MTMR4: variants seen among roughly 807,000 people sequenced by gnomAD.
The protein encoded by MTMR4 is phosphatidylinositol-3,5-bisphosphate 3-phosphatase MTMR4.
Under a neutral mutation model 125.5 loss-of-function variants are expected in MTMR4, and 30 were observed. The observed-to-expected ratio is 0.24, with a 90% CI of 0.18 to 0.32. The LOEUF is 0.32. MTMR4 is among the 10% of genes least tolerant of loss of function. The pLI, the probability that MTMR4 is intolerant of heterozygous loss-of-function variation, is 1.00. For missense variants in MTMR4, 1,039 were observed against 1,511.5 expected (o/e 0.69, Z 5.18); for synonymous variants, 498 against 564.5 (o/e 0.88, Z 1.67).
At chr17:58,500,458 T>G (rs1315708843) in intron 14 of MTMR4, among the ~76,000 whole-genome samples, 1 of 152,124 alleles carries the variant, frequency 6.6e-6, no homozygotes, top group Non-Finnish European at 1.5e-5. Context: ...TGCTTAGATG[T>G]TGACTTAGAA....
Position 58,506,881 on chromosome 17 carries a change from C to T in MTMR4, c.905-10G>A, listed in dbSNP as rs368101639. On this transcript the variant is annotated splice_polypyrimidine_tract_variant and intron_variant, in intron 8 of 17. Transcript: ENST00000682306. ...GCAGTCAGAGAAGAATCTAAACACA[C>T]AGCAGGAAGGAGTCCCTGAGTCAGC... The T allele has an allele frequency of 1.2e-6, 2 of 1,609,754 alleles. No homozygotes were observed. The highest frequency in any genetic ancestry group is 1.1e-5 in the South Asian group (1 of 90,746).
intron 17 of MTMR4, 58 bp from the exon 18 acceptor site, chr17:58,491,898 G>A (rs1265071017): frequency 1.3e-6 from 2 of 1,544,654 alleles, no homozygotes; most frequent in East Asian, 4.5e-5. Context: ...TGGCCAGGCA[G>A]GGTGACTCAC....
intron 13 of MTMR4, 47 bp from the exon 14 acceptor site, chr17:58,503,945 C>G: frequency 6.3e-7 from 1 of 1,585,954 alleles, no homozygotes; most frequent in South Asian, 1.1e-5. Context: ...GTTCCTTGTC[C>G]TTTTTCTTTC....
intron 16 of MTMR4, 64 bp from the exon 17 acceptor site, chr17:58,492,663 A>G: frequency 2.0e-6 from 3 of 1,508,100 alleles, no homozygotes; most frequent in Non-Finnish European, 2.8e-6. Context: ...CAACATTGCA[A>G]TGAGGAAAGC....
chr17:58,498,012 G>C (rs9901533), intron 14 of MTMR4, among the ~76,000 whole-genome samples: 77 of 152,216 alleles, frequency 5.1e-4, no homozygotes, highest in African/African-American at 1.7e-3. Flanking sequence ...CAGATCTCTC[G>C]AGGCCACAAG....
At position 58,506,611 on chromosome 17, in the gene MTMR4, T is replaced by C. The variant is rs1975784513; in HGVS notation, c.1033+132A>G. Reference sequence around the variant, plus strand: ...TCAGCATAGTCATAGCCATAGCTAGTAGGTAGCAAAGTTGTGATTACAAGC... The same window carrying C: ...TCAGCATAGTCATAGCCATAGCTAGCAGGTAGCAAAGTTGTGATTACAAGC... On this transcript the variant is annotated intron_variant, in intron 9 of 17. Coordinates refer to ENST00000682306, the MANE Select transcript of MTMR4 (RefSeq NM_001378067.1). 8 of 1,110,456 alleles carry C rather than the reference T, an allele frequency of 7.2e-6. No individual in the cohort carries two copies. The South Asian group carries it at 1.1e-4, about 15-fold the overall frequency. 68.8% of individuals were successfully genotyped at this position (1,110,456 alleles called of 1,614,324 possible). A position where few individuals can be genotyped will look rare whatever the true frequency, so the allele number is the denominator to read the frequency against.
chr17:58,496,643 A>G (rs1975474149), intron 14 of MTMR4, among the ~76,000 whole-genome samples: 1 of 152,176 alleles, frequency 6.6e-6, no homozygotes, highest in Admixed American at 6.5e-5. Flanking sequence ...GCTGCCTTCT[A>G]TGCCAATGCC....
intron 7 of MTMR4, chr17:58,507,918 TACACACACACAC>T (rs57157273): frequency 2.4e-4 from 83 of 342,286 alleles, no homozygotes; most frequent in South Asian, 6.9e-4. Context: ...TACTATTTTA[TACACACACACAC>T]ACACACACAC....
chr17:58,512,734 A>G lies in MTMR4; in HGVS notation c.135+118T>C. The G allele has an allele frequency of 1.1e-6, 1 of 923,836 alleles. No individual in the cohort carries two copies. Among genetic ancestry groups the G allele is most frequent in the South Asian group, 1.5e-5 (1 of 65,946 alleles). 57.2% of individuals were successfully genotyped at this position (923,836 alleles called of 1,614,324 possible). The stretch of plus-strand genomic sequence containing the variant: ...GACAAACCCTCCTCCTCCAGAGACC[A>G]GGGAACATGAAGCCAGAGCTCTGGT... On this transcript the variant is annotated intron_variant, in intron 2 of 17. Transcript: ENST00000682306. The surrounding 1 kb of genome is among the most constrained non-coding windows in gnomAD (Gnocchi z 4.1).
intron 14 of MTMR4, 121 bp downstream of exon 14, chr17:58,503,623 C>T (rs1975697868): frequency 2.3e-6 from 3 of 1,297,200 alleles, no homozygotes; most frequent in Admixed American, 4.6e-5. Flanking sequence ...GCACTCCACC[C>T]TGGGCGACAA....
chr17:58,507,378 TCAGGGGGTTAGAC>T (rs1329439246), intron 7 of MTMR4, 59 bp from the exon 8 acceptor site: 1 of 1,531,752 alleles, frequency 6.5e-7, no homozygotes, highest in African/African-American at 1.4e-5. Flanking sequence ...GAGGCCTACC[TCAGGGGGTTAGAC>T]CAAAGTCTCT....
At position 58,508,987 on chromosome 17, in the gene MTMR4, G is replaced by A. The variant is rs916374118; in HGVS notation, c.336-146C>T. 1.3e-6 allele frequency: 1 copy of A among 777,080 alleles called. No individual in the cohort carries two copies. Among genetic ancestry groups the A allele is most frequent in the Non-Finnish European group, 2.0e-6 (1 of 493,676 alleles). The allele number at this position is 777,080 out of a possible 1,614,324, so 48.1% of individuals were successfully genotyped here. On this transcript the variant is annotated intron_variant, in intron 4 of 17. Coordinates refer to ENST00000682306, the MANE Select transcript of MTMR4 (RefSeq NM_001378067.1). The surrounding 1 kb of genome is among the most constrained non-coding windows in gnomAD (Gnocchi z 4.8). ...AAAGCAGTGGGGACCCAGGGTGGGG[G>A]GACGAGGGACACTGGCCAACACCCA...
rs778017429 is a variant in MTMR4, at chr17:58,495,602, T to C, written c.2582A>G (p.Gln861Arg). 1.3e-5 allele frequency: 21 copies of C among 1,614,200 alleles called. No individual in the cohort carries two copies. In the East Asian group the frequency reaches 4.7e-4, roughly 36 times the overall value. The change falls in exon 15 of 18, where the codon CAG becomes CGG. Residue 861 changes from glutamine (Q) to arginine (R), a missense_variant. By Grantham distance (43) the Gln-to-Arg change is conservative. Transcript: ENST00000682306. ...PSGSVASISHQEQLSSVPDLT... is the reference protein window; with the variant it reads ...PSGSVASISHREQLSSVPDLT... ...ATCCGGCACAGAACTCAGTTGTTCC[T>C]GGTGGGAGATACTTGCCACAGACCC...
At position 58,490,208 on chromosome 17, in the gene MTMR4, A is replaced by C. The variant is rs1975281845; in HGVS notation, c.*1455T>G. The C allele has an allele frequency of 6.6e-6, 1 of 152,454 alleles. No individual in the cohort carries two copies. Among genetic ancestry groups the C allele is most frequent in the Non-Finnish European group, 1.5e-5 (1 of 68,048 alleles). The allele number at this position is 152,454 out of a possible 1,614,324, so 9.4% of individuals were successfully genotyped here. On this transcript the variant is annotated 3_prime_UTR_variant, in exon 18 of 18. Transcript: ENST00000682306. ...AAAGCAACATGAAAGTAGCAGTAAG[A>C]AAGATGACTACCATCATTTCAAAAC... is the stretch of plus-strand genomic sequence containing the variant.
At chr17:58,500,674 C>G (rs566498304) in intron 14 of MTMR4, among the ~76,000 whole-genome samples, 1 of 145,640 alleles carries the variant, frequency 6.9e-6, no homozygotes, top group South Asian at 2.2e-4. Context: ...CACTTGAACC[C>G]GGGAGGCGGA....
At chr17:58,500,591 A>T (rs1055239000) in intron 14 of MTMR4, among the ~76,000 whole-genome samples, 1 of 152,088 alleles carries the variant, frequency 6.6e-6, no homozygotes, top group African/African-American at 2.4e-5. Flanking sequence ...TCTACTAAAA[A>T]TACAAAAAAC....
Position 58,491,721 on chromosome 17 carries a change from C to A in MTMR4, c.3572G>T (p.Arg1191Leu). The change falls in exon 18 of 18, where the codon CGT (arginine) becomes CTT (leucine). Residue 1191 changes from arginine (R) to leucine (L), a missense_variant. This residue lies in a region of MTMR4 where 60 missense variants were observed against 129.6 expected (regional missense o/e 0.46). Transcript: ENST00000682306. Reference sequence around the variant, plus strand: ...CTGTTGGCTCATGAGTTCCCTGGCACGAGAGACTTGAATGTGTTCGTAACA... The same window carrying A: ...CTGTTGGCTCATGAGTTCCCTGGCAAGAGAGACTTGAATGTGTTCGTAACA... ...NSCYEHIQVS[R>L]ARELMSQQLK... The A allele has an allele frequency of 1.9e-6, 3 of 1,613,886 alleles. No homozygotes were observed. Among genetic ancestry groups the A allele is most frequent in the Non-Finnish European group, 2.5e-6 (3 of 1,179,884 alleles).
In MTMR4 at chr17:58,490,440, A is replaced by T. The variant is rs1975287566; in HGVS notation, c.*1223T>A. On this transcript the variant is annotated 3_prime_UTR_variant, in exon 18 of 18. Transcript: ENST00000682306. ...AACAAAAACAAAAAAACAAAATAAA[A>T]TTTTTTAAAAACCAACAACGTTTGG... 1 of 152,632 alleles carries T rather than the reference A, an allele frequency of 6.6e-6. No homozygotes were observed. The highest frequency in any genetic ancestry group is 1.5e-5 in the Non-Finnish European group (1 of 68,046). 9.5% of individuals were successfully genotyped at this position (152,632 alleles called of 1,614,324 possible).
chr17:58,504,161 G>T lies in MTMR4; in HGVS notation c.1587C>A (p.Pro529=), dbSNP rs771606592. 1 of 1,612,974 alleles carries T rather than the reference G, an allele frequency of 6.2e-7. No homozygotes were observed. Among genetic ancestry groups the T allele is most frequent in the Admixed American group, 1.7e-5 (1 of 59,726 alleles). The change falls in exon 13 of 18, where the codon CCC becomes CCA. Residue 529 remains proline, a synonymous_variant. Transcript: ENST00000682306. The surrounding 1 kb of genome is among the most constrained non-coding windows in gnomAD (Gnocchi z 7.1). ...AGATGTTGCGCTTCTCTCGCTCACA[G>T]GGGTTGTTGGCCAGGAAGGTGCCGT... ...CLYGTFLANN[P]CEREKRNIYK... is the part of the protein sequence containing the mutation.
Sources: allele counts gnomAD v4.1 joint callset (sites outside exome capture counted in the v4.1 genomes callset), GRCh38; gene constraint gnomAD v4.1.1; regional missense constraint gnomAD v4.1.1; non-coding constraint Gnocchi (gnomAD v3.1); transcripts MANE v1.5; gene names NCBI Gene and HGNC (gene_info 2026-07-23, HGNC 2026-07-21).